AP2M1: variants seen among roughly 807,000 people sequenced by gnomAD.
AP2M1 encodes adaptor related protein complex 2 subunit mu 1.
Under a neutral mutation model 54.5 loss-of-function variants are expected in AP2M1, and 5 were observed. That is an observed-to-expected ratio of 0.09 (90% CI 0.05 to 0.19). The LOEUF (loss-of-function observed/expected upper bound fraction) is 0.19, where lower values mean the gene tolerates loss of function less well. Among genes scored for constraint, AP2M1 ranks in the 10% least tolerant of loss-of-function variants. The probability of loss-of-function intolerance (pLI) is 1.00; values close to 1 mark genes in which losing one functional copy is unlikely to be tolerated. For synonymous variants in AP2M1, 186 were observed against 208.2 expected, an observed-to-expected ratio of 0.89 and a Z score of 0.92; for missense variants, 178 against 580.2, an observed-to-expected ratio of 0.31 and a Z score of 7.12.
rs1479220010 is a variant in AP2M1, at chr3:184,178,615, T to C, written c.75-242T>C. Among the ~76,000 whole-genome samples the C allele has an allele frequency of 1.3e-5, 2 of 152,246 alleles. No individual in the cohort carries two copies. The highest frequency in any genetic ancestry group is 2.4e-5 in the African/African-American group (1 of 41,462). ...TTTATTAAGGTTACATCAGCCTTAA[T>C]AGTTGACTTCCCTATTTCTTGTGGC... On this transcript the variant is annotated intron_variant, in intron 2 of 11. Coordinates refer to ENST00000292807, the MANE Select transcript of AP2M1 (RefSeq NM_004068.4). This position sits in a 1 kb window ranked among gnomAD's most constrained non-coding sequence, Gnocchi z 4.9.
Sources: gnomAD v4.1 joint callset for allele counts (sites outside exome capture counted in the v4.1 genomes callset) on GRCh38, gnomAD v4.1.1 for gene constraint, Gnocchi (gnomAD v3.1) non-coding constraint, MANE v1.5 for transcripts, NCBI Gene and HGNC (gene_info 2026-07-23, HGNC 2026-07-21) for gene names.